SEC14L1: variants seen among roughly 807,000 people sequenced by gnomAD.
SEC14L1 encodes SEC14 like lipid binding 1.
A neutral mutation model predicts 85.3 loss-of-function variants in SEC14L1; 48 were observed. The observed-to-expected ratio is 0.56, with a 90% confidence interval of 0.45 to 0.72. The LOEUF is 0.72. Among genes scored for constraint, SEC14L1 ranks in the 30% least tolerant of loss-of-function variants. SEC14L1 has a pLI of 0.00. For missense variants in SEC14L1, 682 were observed against 921.4 expected, an observed-to-expected ratio of 0.74 and a Z score of 3.36; for synonymous variants, 391 against 355.5, an observed-to-expected ratio of 1.10 and a Z score of -1.12.
intron 3 of SEC14L1, among the ~76,000 whole-genome samples, chr17:77,188,322 C>T (rs1483494564): frequency 6.6e-6 from 1 of 152,096 alleles, no homozygotes; most frequent in Admixed American, 6.5e-5. Context: ...TCCTTAGCCC[C>T]GGCAACCACT....
rs955057125 is a variant in SEC14L1, at chr17:77,214,290, A to G, written c.*267A>G. ...AGAGCGCAAGGGCTCTCTTGAAAGA[A>G]AAGTAGTTTCTGTACCAATTAAAGG... On this transcript the variant is annotated 3_prime_UTR_variant, in exon 17 of 17. Coordinates refer to ENST00000436233, the MANE Select transcript of SEC14L1 (RefSeq NM_001143998.2). The G allele has an allele frequency of 1.1e-5, 14 of 1,248,464 alleles. No homozygotes were observed. The Admixed American group carries it at 5.6e-4, about 50-fold the overall frequency. 77.3% of individuals were successfully genotyped at this position (1,248,464 alleles called of 1,614,324 possible). A position where few individuals can be genotyped will look rare whatever the true frequency, so the allele number is the denominator to read the frequency against.
At chr17:77,110,133 C>T (rs1243437003) in intron 3 of SEC14L1, among the ~76,000 whole-genome samples, 2 of 152,130 alleles carry the variant, frequency 1.3e-5, no homozygotes, top group Non-Finnish European at 2.9e-5. Context: ...CTTTGTCTTC[C>T]AAGGAATACA....
chr17:77,154,896 C>G (rs1376106192), intron 3 of SEC14L1, among the ~76,000 whole-genome samples: 1 of 152,096 alleles, frequency 6.6e-6, no homozygotes, highest in East Asian at 1.9e-4. Flanking sequence ...CCGGCCTTCC[C>G]CTTCTGATCT....
intron 3 of SEC14L1, among the ~76,000 whole-genome samples, chr17:77,124,794 A>G (rs1413685467): frequency 6.6e-6 from 1 of 152,116 alleles, no homozygotes; most frequent in Non-Finnish European, 1.5e-5. Flanking sequence ...AACTGGCTGC[A>G]GGAGAAATCA....
Position 77,214,607 on chromosome 17 carries a change from A to C in SEC14L1, c.*584A>C. 1.0e-6 allele frequency: 1 copy of C among 986,728 alleles called. No homozygotes were observed. The highest frequency in any genetic ancestry group is 1.2e-6 in the Non-Finnish European group (1 of 830,906). 61.1% of individuals were successfully genotyped at this position (986,728 alleles called of 1,614,324 possible). A position where few individuals can be genotyped will look rare whatever the true frequency, so the allele number is the denominator to read the frequency against. ...CCTTGTCCCAGGGCCAGACACACCCACACCACCCACTGTCCTGCAGTGGGG... is the reference window on the plus strand; with the variant it reads ...CCTTGTCCCAGGGCCAGACACACCCCCACCACCCACTGTCCTGCAGTGGGG... On this transcript the variant is annotated 3_prime_UTR_variant, in exon 17 of 17. Transcript: ENST00000436233.
At chr17:77,170,057 A>T (rs1974458987) in intron 3 of SEC14L1, among the ~76,000 whole-genome samples, 1 of 152,164 alleles carries the variant, frequency 6.6e-6, no homozygotes, top group Non-Finnish European at 1.5e-5. Context: ...TGGAAGGGCA[A>T]AGGTACTTTT....
At chr17:77,191,017 G>A in intron 4 of SEC14L1, 65 bp downstream of exon 4, 1 of 1,591,336 alleles carries the variant, frequency 6.3e-7, no homozygotes, top group Non-Finnish European at 8.6e-7. Context: ...GTCCTGGTGG[G>A]AGAGGGCGTC....
In SEC14L1 at chr17:77,216,749, TG is replaced by T; in HGVS notation, c.*2727del. 9.7e-7 allele frequency: 1 copy of T among 1,036,166 alleles called. No homozygotes were observed. The highest frequency in any genetic ancestry group is 1.4e-6 in the Non-Finnish European group (1 of 710,072). 64.2% of individuals were successfully genotyped at this position (1,036,166 alleles called of 1,614,324 possible). ...TGCATCTTGAAGAGCTCAAAGCACATGACCGCACAAATGCTTACAGGGTTTC... is the reference window on the plus strand; with the variant it reads ...TGCATCTTGAAGAGCTCAAAGCACATACCGCACAAATGCTTACAGGGTTTC... On this transcript the variant is annotated 3_prime_UTR_variant, in exon 17 of 17. Coordinates refer to ENST00000436233, the MANE Select transcript of SEC14L1 (RefSeq NM_001143998.2).
At chr17:77,114,654 G>A (rs1972126515) in intron 3 of SEC14L1, among the ~76,000 whole-genome samples, 2 of 150,088 alleles carry the variant, frequency 1.3e-5, no homozygotes, top group East Asian at 3.9e-4. Context: ...GGCCAACATG[G>A]TGAAACCCCG....
intron 3 of SEC14L1, among the ~76,000 whole-genome samples, chr17:77,175,010 A>G (rs908330304): frequency 2.6e-5 from 4 of 152,200 alleles, no homozygotes; most frequent in African/African-American, 9.7e-5. Context: ...ATGATTTGTA[A>G]GAGAAAGAGG....
chr17:77,120,936 C>T (rs1972281293), intron 3 of SEC14L1, among the ~76,000 whole-genome samples: 1 of 152,160 alleles, frequency 6.6e-6, no homozygotes, highest in African/African-American at 2.4e-5. Context: ...GGGAACAGAG[C>T]ATCGTTTTGT....
chr17:77,091,721 C>T (rs574689673), intron 2 of SEC14L1, among the ~76,000 whole-genome samples: 1 of 152,282 alleles, frequency 6.6e-6, no homozygotes, highest in South Asian at 2.1e-4. Context: ...CTCTTCCTCC[C>T]GTCTTGGCTG....
Position 77,200,566 on chromosome 17 carries a change from C to G in SEC14L1, c.902C>G (p.Ser301Cys). The change falls in exon 9 of 17, where the codon TCT (serine) becomes TGT (cysteine). Residue 301 changes from serine to cysteine, a missense_variant. Ser to Cys is a moderately radical substitution (Grantham distance 112). This residue lies in a region of SEC14L1 where 420 missense variants were observed against 619.5 expected (regional missense o/e 0.68). Transcript: ENST00000436233. The part of the protein sequence containing the change: ...IDKAREIMCQ[S>C]LTWRKQHQVD... ...AAAGCCAGAGAGATCATGTGTCAGT[C>G]TTTGACGTGGAGAAAGCAGCATCAG... is the stretch of plus-strand genomic sequence containing the variant. 1 of 1,614,078 alleles carries G rather than the reference C, an allele frequency of 6.2e-7. No homozygotes were observed. The highest frequency in any genetic ancestry group is 1.1e-5 in the South Asian group (1 of 91,080).
At position 77,200,897 on chromosome 17, in the gene SEC14L1, C is replaced by T. The variant is rs557547303; in HGVS notation, c.1009+224C>T. ...CAGCCAGGAAGGGCCTGGGACTGCT[C>T]TTTCCTCATGGACACACGTCATCCT... On this transcript the variant is annotated intron_variant, in intron 9 of 16. Transcript: ENST00000436233. Among the ~76,000 whole-genome samples, 169 of 152,350 alleles carry T rather than the reference C, an allele frequency of 1.1e-3. 1 individual carries two copies. The highest frequency in any genetic ancestry group is 3.9e-3 in the African/African-American group (161 of 41,586).
intron 3 of SEC14L1, among the ~76,000 whole-genome samples, chr17:77,134,756 A>C (rs1267827285): frequency 1.3e-5 from 2 of 152,038 alleles, no homozygotes; most frequent in African/African-American, 2.4e-5. Context: ...AAATAAAATA[A>C]AATACTTTTT....
chr17:77,163,391 T>TTTTTCTCAGCACTATCCCTCCCTCA, intron 3 of SEC14L1, among the ~76,000 whole-genome samples: 1 of 152,148 alleles, frequency 6.6e-6, no homozygotes, highest in East Asian at 1.9e-4. Flanking sequence ...CTAAGACTGG[T>TTTTTCTCAGCACTATCCCTCCCTCA]TCAGTCAGAG....
rs905538651 is a variant in SEC14L1 at position 77,215,256 on chromosome 17, C to T, written c.*1233C>T. ...AAGCCTGCTCTATCTGGTACAGGCC[C>T]TTATTTTTTCAGCTTTTTATGGGAA... On this transcript the variant is annotated 3_prime_UTR_variant, in exon 17 of 17. Transcript: ENST00000436233. 15 of 985,178 alleles carry T rather than the reference C, an allele frequency of 1.5e-5. No homozygotes were observed. The highest frequency in any genetic ancestry group is 6.2e-5 in the Admixed American group (1 of 16,254). 61.0% of individuals were successfully genotyped at this position (985,178 alleles called of 1,614,324 possible). A position where few individuals can be genotyped will look rare whatever the true frequency, so the allele number is the denominator to read the frequency against.
In SEC14L1 at chr17:77,161,318, C is replaced by G. The variant is rs143886512; in HGVS notation, c.63+17659C>G. 5.3e-3 allele frequency among the ~76,000 whole-genome samples: 801 copies of G among 152,294 alleles called. 8 individuals carry two copies. Among genetic ancestry groups the G allele is most frequent in the African/African-American group, 0.018 (763 of 41,538 alleles). On this transcript the variant is annotated intron_variant, in intron 3 of 16. Transcript: ENST00000436233. ...TCTGGCCAACATGGTGAAACCCTGT[C>G]TGTACTAAAAATACAAAAATCAGCT... is the stretch of plus-strand genomic sequence containing the variant.
intron 3 of SEC14L1, among the ~76,000 whole-genome samples, chr17:77,102,897 G>A (rs1281535067): frequency 6.6e-6 from 1 of 152,086 alleles, no homozygotes; most frequent in African/African-American, 2.4e-5. Flanking sequence ...GAACTCCTGG[G>A]CTCGAGGGAT....
Sources: allele counts gnomAD v4.1 joint callset (sites outside exome capture counted in the v4.1 genomes callset), GRCh38; gene constraint gnomAD v4.1.1; regional missense constraint gnomAD v4.1.1; transcripts MANE v1.5; gene names NCBI Gene and HGNC (gene_info 2026-07-23, HGNC 2026-07-21).